Variants in APBB2 observed in about 807,000 individuals in gnomAD.
APBB2 encodes the protein amyloid beta precursor protein binding family B member 2, also known as Fe65-like 1.
A neutral mutation model predicts 82.5 loss-of-function variants in APBB2; 38 were observed. That is an observed-to-expected ratio of 0.46 (90% CI 0.36 to 0.60). The LOEUF (loss-of-function observed/expected upper bound fraction) is 0.60, where lower values mean the gene tolerates loss of function less well. APBB2 is among the 20% of genes least tolerant of loss of function. The pLI is 0.00. For synonymous variants in APBB2, 341 were observed against 368.2 expected, an observed-to-expected ratio of 0.93 and a Z score of 0.85; for missense variants, 772 against 972.3, an observed-to-expected ratio of 0.79 and a Z score of 2.74.
chr4:41,179,685 C>G (rs1398269164), intron 1 of APBB2, among the ~76,000 whole-genome samples: 1 of 152,128 alleles, frequency 6.6e-6, no homozygotes, highest in Non-Finnish European at 1.5e-5. Flanking sequence ...AAATGTAATG[C>G]AGAATTACTG....
intron 10 of APBB2, among the ~76,000 whole-genome samples, chr4:40,908,382 GC>G (rs1361828122): frequency 6.6e-6 from 1 of 152,134 alleles, no homozygotes; most frequent in African/African-American, 2.4e-5. Context: ...TGAGCATATG[GC>G]AGAGCTGGCA....
In APBB2 at chr4:40,816,227, C is replaced by T. The variant is rs1380261589; in HGVS notation, c.2145G>A (p.Pro715=). The part of the protein sequence containing the change: ...LRYQKCLVAR[P]PSQKVRPPPP... ...GAGGTGGTCGAACTTTCTGAGAAGG[C>T]GGCCTGGCTACCAAGCACTTCTGAT... Residue 715 remains proline, a synonymous_variant, in exon 18 of 18, where the codon CCG becomes CCA. Coordinates refer to ENST00000508593, the MANE Select transcript of APBB2 (RefSeq NM_004307.2). 2.5e-6 allele frequency: 4 copies of T among 1,614,126 alleles called. No homozygotes were observed. The highest frequency in any genetic ancestry group is 2.2e-5 in the East Asian group (1 of 44,892).
intron 12 of APBB2, among the ~76,000 whole-genome samples, chr4:40,856,053 C>T (rs1182110120): frequency 1.3e-5 from 2 of 151,934 alleles, no homozygotes; most frequent in African/African-American, 4.8e-5. Flanking sequence ...TGTAAGAGCT[C>T]GGCTGGAGGA....
At chr4:40,874,714 A>G (rs1401211363) in intron 12 of APBB2, among the ~76,000 whole-genome samples, 2 of 152,180 alleles carry the variant, frequency 1.3e-5, no homozygotes, top group Non-Finnish European at 2.9e-5. Context: ...ACTGCGGGAC[A>G]GCTCAGACCC....
intron 12 of APBB2, among the ~76,000 whole-genome samples, chr4:40,849,316 G>T (rs558915726): frequency 1.3e-5 from 2 of 152,188 alleles, no homozygotes; most frequent in Non-Finnish European, 2.9e-5. Context: ...AAAGCCAAGC[G>T]AATCTATACT....
intron 6 of APBB2, among the ~76,000 whole-genome samples, chr4:40,987,865 A>G (rs895265422): frequency 6.6e-6 from 1 of 152,204 alleles, no homozygotes; most frequent in African/African-American, 2.4e-5. Flanking sequence ...GCAGAAGGGA[A>G]TTAGAAAGGA....
chr4:40,928,912 A>T (rs1489531650), intron 10 of APBB2, among the ~76,000 whole-genome samples: 1 of 150,418 alleles, frequency 6.6e-6, no homozygotes, highest in Admixed American at 6.7e-5. Flanking sequence ...GAATGAATGA[A>T]CGAACGAATG....
intron 1 of APBB2, among the ~76,000 whole-genome samples, chr4:41,145,711 C>A (rs1760525923): frequency 6.6e-6 from 1 of 151,978 alleles, no homozygotes; most frequent in Non-Finnish European, 1.5e-5. Context: ...ACACTACAGT[C>A]CCACTGTTCA....
chr4:40,842,400 A>T (rs772486583), intron 12 of APBB2: 1 of 455,586 alleles, frequency 2.2e-6, no homozygotes, highest in Non-Finnish European at 4.4e-6. Flanking sequence ...GCGTGAGGGA[A>T]CAGAGCAGAA....
intron 12 of APBB2, among the ~76,000 whole-genome samples, chr4:40,837,299 C>G (rs529458184): frequency 6.6e-6 from 1 of 152,346 alleles, no homozygotes; most frequent in South Asian, 2.1e-4. Flanking sequence ...CCACTGCAGG[C>G]ACCTTTGAGG....
rs749355590 is a variant in APBB2 at position 40,819,843 on chromosome 4, C to G, written c.2112+2028G>C. 2.6e-5 allele frequency among the ~76,000 whole-genome samples: 4 copies of G among 152,224 alleles called. No individual in the cohort carries two copies. In the East Asian group the frequency reaches 7.7e-4, roughly 29 times the overall value. On this transcript the variant is annotated intron_variant, in intron 17 of 17. Transcript: ENST00000508593. ...TATTTATTTTTTTGAGACAGGGTCT[C>G]GCTCTGTCACCCAGGCTGGACTACA...
chr4:41,203,964 C>A (rs1777325087), intron 1 of APBB2, among the ~76,000 whole-genome samples: 1 of 152,184 alleles, frequency 6.6e-6, no homozygotes, highest in South Asian at 2.1e-4. Context: ...ATCCTGGACT[C>A]TCTCAAATGA....
intron 6 of APBB2, among the ~76,000 whole-genome samples, chr4:41,002,412 AAAG>A (rs1805492312): frequency 6.6e-6 from 1 of 152,228 alleles, no homozygotes; most frequent in African/African-American, 2.4e-5. Context: ...ACTATGATTA[AAAG>A]AAGACTGTAG....
At chr4:41,154,048 T>C (rs1160169473) in intron 1 of APBB2, among the ~76,000 whole-genome samples, 1 of 152,226 alleles carries the variant, frequency 6.6e-6, no homozygotes, top group Non-Finnish European at 1.5e-5. Context: ...AACAATGCTC[T>C]TTATATACTT....
chr4:41,001,871 C>A (rs1805340215), intron 6 of APBB2, among the ~76,000 whole-genome samples: 2 of 147,760 alleles, frequency 1.4e-5, no homozygotes, highest in South Asian at 4.2e-4. Flanking sequence ...GAGTGAGACT[C>A]CGCCTCAAAA....
chr4:40,985,648 GT>G (rs1270627758), intron 6 of APBB2, among the ~76,000 whole-genome samples: 1 of 152,116 alleles, frequency 6.6e-6, no homozygotes, highest in Non-Finnish European at 1.5e-5. Context: ...CAAAAACCAG[GT>G]CCATTTCAGT....
intron 12 of APBB2, chr4:40,857,126 CA>C: frequency 3.0e-6 from 3 of 985,492 alleles, no homozygotes; most frequent in Non-Finnish European, 3.6e-6. Context: ...GTCGCTCAAG[CA>C]GCCGCGCGCA....
At chr4:41,035,567 T>C (rs1718805836) in intron 4 of APBB2, among the ~76,000 whole-genome samples, 1 of 152,152 alleles carries the variant, frequency 6.6e-6, no homozygotes, top group South Asian at 2.1e-4. Context: ...GATGAAGTAA[T>C]AGATACTCAA....
intron 3 of APBB2, among the ~76,000 whole-genome samples, chr4:41,082,272 C>G (rs1429047062): frequency 6.6e-6 from 1 of 152,126 alleles, no homozygotes; most frequent in East Asian, 1.9e-4. Context: ...AAACTTTAAC[C>G]CTTATCTTTC....
Sources: gnomAD v4.1 joint callset for allele counts (sites outside exome capture counted in the v4.1 genomes callset) on GRCh38, gnomAD v4.1.1 for gene constraint, MANE v1.5 for transcripts, NCBI Gene and HGNC (gene_info 2026-07-23, HGNC 2026-07-21) for gene names.